The following PDE4D variants were observed in gnomAD, a reference collection of about 807,000 sequenced individuals.
The protein encoded by PDE4D is phosphodiesterase 4D.
A neutral mutation model predicts 87.4 loss-of-function variants in PDE4D; 24 were observed. The observed-to-expected ratio is 0.27, with a 90% CI of 0.20 to 0.39. The LOEUF (loss-of-function observed/expected upper bound fraction) is 0.39, where lower values mean the gene tolerates loss of function less well. Among genes scored for constraint, PDE4D ranks in the 10% least tolerant of loss-of-function variants. The pLI, the probability that PDE4D is intolerant of heterozygous loss-of-function variation, is 1.00. For synonymous variants in PDE4D, 384 were observed against 383.2 expected (o/e 1.00, Z -0.02); for missense variants, 714 against 1,041.0 (o/e 0.69, Z 4.32).
intron 2 of PDE4D, among the ~76,000 whole-genome samples, chr5:60,127,835 G>C (rs1349049108): frequency 6.6e-6 from 1 of 152,102 alleles, no homozygotes; most frequent in African/African-American, 2.4e-5. Context: ...CGAGTCCTTA[G>C]TATATAAGTG....
At chr5:60,251,363 G>A (rs769362041) in intron 1 of PDE4D, among the ~76,000 whole-genome samples, 2 of 151,834 alleles carry the variant, frequency 1.3e-5, no homozygotes, top group Non-Finnish European at 1.5e-5. Context: ...CCTTCCCACT[G>A]TCCATCTTCT....
At chr5:60,195,933 T>C (rs114404643) in intron 1 of PDE4D, among the ~76,000 whole-genome samples, 3,172 of 151,808 alleles carry the variant, frequency 0.021, 117 homozygotes, top group Middle Eastern at 0.061. Context: ...GTTCTTTTCA[T>C]CTCCTTTGTG....
chr5:60,153,989 T>C (rs1330717479), intron 2 of PDE4D, among the ~76,000 whole-genome samples: 1 of 152,176 alleles, frequency 6.6e-6, no homozygotes, highest in Non-Finnish European at 1.5e-5. Flanking sequence ...TAAATTATTT[T>C]AAGATTGTAG....
intron 1 of PDE4D, among the ~76,000 whole-genome samples, chr5:59,256,092 C>A (rs992624288): frequency 1.1e-4 from 16 of 152,030 alleles, no homozygotes; most frequent in Non-Finnish European, 1.8e-4. Flanking sequence ...AAAAGATAGA[C>A]AAGAAATCCT....
At chr5:59,269,521 C>A (rs989258866) in intron 1 of PDE4D, among the ~76,000 whole-genome samples, 2 of 152,044 alleles carry the variant, frequency 1.3e-5, no homozygotes, top group East Asian at 1.9e-4. Context: ...TATAGAGATA[C>A]AGAATACACA....
intron 1 of PDE4D, among the ~76,000 whole-genome samples, chr5:59,621,889 G>A (rs1339210105): frequency 6.6e-6 from 1 of 152,192 alleles, no homozygotes; most frequent in African/African-American, 2.4e-5. Context: ...TGTGAAATCT[G>A]AGAAATGAAC....
chr5:59,477,358 A>T (rs1803460328), intron 1 of PDE4D, among the ~76,000 whole-genome samples: 1 of 133,584 alleles, frequency 7.5e-6, no homozygotes, highest in South Asian at 2.2e-4. Flanking sequence ...TATAATAAAA[A>T]AAAAAAAAAA....
intron 1 of PDE4D, among the ~76,000 whole-genome samples, chr5:59,713,170 T>C (rs1754466910): frequency 6.6e-6 from 1 of 152,000 alleles, no homozygotes. Context: ...TGCTAGCAAT[T>C]AGGAAAAAAT....
chr5:59,955,878 T>G lies in PDE4D; in HGVS notation c.272+32610A>C, dbSNP rs558162822. 1.8e-4 allele frequency among the ~76,000 whole-genome samples: 27 copies of G among 152,262 alleles called. 1 individual carries two copies. Among genetic ancestry groups the G allele is most frequent in the Admixed American group, 1.6e-3 (24 of 15,300 alleles). On this transcript the variant is annotated intron_variant, in intron 3 of 16. Coordinates refer to the PDE4D transcript ENST00000502484. ...CATGTTCTTTGGTGGGGATGCTGCT[T>G]CTTATTAAAGGGAATAATTAAACGG...
intron 5 of PDE4D, among the ~76,000 whole-genome samples, chr5:59,144,414 A>G (rs1162468413): frequency 6.6e-6 from 1 of 152,196 alleles, no homozygotes; most frequent in South Asian, 2.1e-4. Context: ...AAAAGCTGTA[A>G]ATGGTATGTT....
At chr5:60,376,493 G>A (rs984321070) in intron 1 of PDE4D, among the ~76,000 whole-genome samples, 4 of 152,090 alleles carry the variant, frequency 2.6e-5, no homozygotes, top group Non-Finnish European at 4.4e-5. Flanking sequence ...GCCTCCTAAC[G>A]CATCCCACAC....
At chr5:60,081,574 G>A (rs1773959220) in intron 2 of PDE4D, among the ~76,000 whole-genome samples, 1 of 152,114 alleles carries the variant, frequency 6.6e-6, no homozygotes, top group Non-Finnish European at 1.5e-5. Context: ...GTGTCCCAGA[G>A]ATTCTGGTAT....
At chr5:60,450,122 T>C (rs1745980181) in intron 1 of PDE4D, among the ~76,000 whole-genome samples, 1 of 150,970 alleles carries the variant, frequency 6.6e-6, no homozygotes, top group Non-Finnish European at 1.5e-5. Flanking sequence ...TCACATACCA[T>C]AATTTTATTG....
At chr5:59,993,052 G>A (rs1433580164) in intron 2 of PDE4D, among the ~76,000 whole-genome samples, 3 of 152,104 alleles carry the variant, frequency 2.0e-5, no homozygotes, top group Non-Finnish European at 4.4e-5. Context: ...ATTATGGCAG[G>A]GAGAAGATGG....
chr5:59,200,936 T>C (rs1012804487), intron 2 of PDE4D, among the ~76,000 whole-genome samples: 3 of 152,082 alleles, frequency 2.0e-5, no homozygotes, highest in African/African-American at 7.2e-5. Context: ...TATATTCAAC[T>C]GTATATCTTG....
intron 6 of PDE4D, among the ~76,000 whole-genome samples, chr5:59,018,106 T>C (rs1232982549): frequency 6.6e-6 from 1 of 152,238 alleles, no homozygotes; most frequent in African/African-American, 2.4e-5. Flanking sequence ...TAAATTGTAT[T>C]GTGACCAGAA....
At chr5:60,163,823 G>T (rs1782661851) in intron 2 of PDE4D, among the ~76,000 whole-genome samples, 2 of 152,138 alleles carry the variant, frequency 1.3e-5, no homozygotes, top group South Asian at 2.1e-4. Context: ...GATTTGGAAA[G>T]AAAATATTGG....
chr5:60,224,923 T>C (rs1306854800), intron 1 of PDE4D, among the ~76,000 whole-genome samples: 2 of 152,000 alleles, frequency 1.3e-5, no homozygotes, highest in Non-Finnish European at 2.9e-5. Context: ...TAACTTAGGC[T>C]TTCTTGGCCC....
chr5:60,065,665 C>T (rs1562048090), intron 2 of PDE4D, among the ~76,000 whole-genome samples: 1 of 152,052 alleles, frequency 6.6e-6, no homozygotes, highest in Admixed American at 6.6e-5. Context: ...TCAATTCCCA[C>T]CTATGAGTGA....
Sources: gnomAD v4.1 joint callset for allele counts (sites outside exome capture counted in the v4.1 genomes callset) on GRCh38, gnomAD v4.1.1 for gene constraint, MANE v1.5 for transcripts, NCBI Gene and HGNC (gene_info 2026-07-23, HGNC 2026-07-21) for gene names.